The following MAPKAPK3 variants were observed in gnomAD, a reference collection of about 807,000 sequenced individuals.
MAPKAPK3 encodes the protein MAPK activated protein kinase 3, also known as MAP kinase-activated protein kinase 3.
A neutral mutation model predicts 49.2 loss-of-function variants in MAPKAPK3; 35 were observed. That is an observed-to-expected ratio of 0.71 (90% CI 0.54 to 0.94). MAPKAPK3 has a LOEUF of 0.94. Among genes scored for constraint, MAPKAPK3 ranks in the 40% least tolerant of loss-of-function variants. The pLI, the probability that MAPKAPK3 is intolerant of heterozygous loss-of-function variation, is 0.00. For synonymous variants in MAPKAPK3, 178 were observed against 188.7 expected (o/e 0.94, Z 0.46); for missense variants, 398 against 493.1 (o/e 0.81, Z 1.83).
At position 50,646,832 on chromosome 3, in the gene MAPKAPK3, C is replaced by A; in HGVS notation, c.915+7C>A. 1 of 1,613,538 alleles carries A rather than the reference C, an allele frequency of 6.2e-7. No homozygotes were observed. Among genetic ancestry groups the A allele is most frequent in the Middle Eastern group, 1.7e-4 (1 of 6,060 alleles). On this transcript the variant is annotated splice_region_variant and intron_variant, in intron 9 of 10. Transcript: ENST00000621469. ...GAACCACCCCTGGATCAACGTGAGC[C>A]CCTCCTCCTCCCATGGCAGGCAGGG...
intron 8 of MAPKAPK3, 55 bp downstream of exon 8, chr3:50,646,319 C>T: frequency 1.2e-6 from 2 of 1,608,174 alleles, no homozygotes; most frequent in Middle Eastern, 1.7e-4. Flanking sequence ...GGCTTTCATT[C>T]TGGGAAACAT....
intron 2 of MAPKAPK3, among the ~76,000 whole-genome samples, chr3:50,626,441 A>C (rs879175713): frequency 2.0e-5 from 3 of 152,188 alleles, no homozygotes; most frequent in Admixed American, 2.0e-4. Context: ...TGCCCTGCTA[A>C]GGCTCAGAGG....
chr3:50,644,573 T>A, intron 6 of MAPKAPK3, 41 bp downstream of exon 6: 9 of 1,610,184 alleles, frequency 5.6e-6, no homozygotes, highest in Non-Finnish European at 7.6e-6. Flanking sequence ...TCACCCCAAC[T>A]TATACAGCTG....
In MAPKAPK3 at chr3:50,617,597, G is replaced by C. The variant is rs777789251; in HGVS notation, c.32G>C (p.Gly11Ala). 6.3e-7 allele frequency: 1 copy of C among 1,594,288 alleles called. No individual in the cohort carries two copies. The highest frequency in any genetic ancestry group is 1.7e-5 in the Admixed American group (1 of 59,854). The stretch of plus-strand genomic sequence containing the variant: ...GGTGAAACAGCAGAGGAGCAGGGGG[G>C]CCCTGTGCCCCCGCCAGTTGCACCC... MDGETAEEQG[G>A]PVPPPVAPGG... The change falls in exon 2 of 11, where the codon GGC becomes GCC. Residue 11 changes from glycine (G) to alanine (A), a missense_variant. Coordinates refer to ENST00000621469, the MANE Select transcript of MAPKAPK3 (RefSeq NM_001243925.2).
intron 2 of MAPKAPK3, among the ~76,000 whole-genome samples, chr3:50,619,585 T>A (rs1030313892): frequency 1.3e-5 from 2 of 152,056 alleles, no homozygotes; most frequent in Non-Finnish European, 2.9e-5. Flanking sequence ...TGTGCTAGGA[T>A]TGAGGGCAGG....
intron 2 of MAPKAPK3, among the ~76,000 whole-genome samples, chr3:50,635,920 CAAAAAAAAAAAAAA>C (rs748358137): frequency 4.1e-5 from 3 of 73,516 alleles, no homozygotes; most frequent in Admixed American, 3.7e-4. Flanking sequence ...CCGTCTCTAC[CAAAAAAAAAAAAAA>C]AAAAAAAAAA....
At chr3:50,631,170 T>G (rs931150159) in intron 2 of MAPKAPK3, among the ~76,000 whole-genome samples, 2 of 152,254 alleles carry the variant, frequency 1.3e-5, no homozygotes, top group Non-Finnish European at 2.9e-5. Context: ...ATTGGTTCCA[T>G]TACCTCCTTT....
At chr3:50,616,992 G>C (rs1367690681), upstream of MAPKAPK3, 1 of 151,758 alleles carries the variant, frequency 6.6e-6, no homozygotes, top group Non-Finnish European at 1.5e-5. Context: ...TTTTGTTCCG[G>C]CTCGGGGGCG....
upstream of MAPKAPK3, among the ~76,000 whole-genome samples, chr3:50,615,147 C>G (rs2032430031): frequency 1.3e-5 from 2 of 152,206 alleles, no homozygotes; most frequent in African/African-American, 4.8e-5. Flanking sequence ...CTCAGGTTCA[C>G]CAGGCTCAAA....
At position 50,644,462 on chromosome 3, in the gene MAPKAPK3, C is replaced by G. The variant is rs750791906; in HGVS notation, c.558C>G (p.Thr186=). 3 of 1,614,152 alleles carry G rather than the reference C, an allele frequency of 1.9e-6. No homozygotes were observed. Among genetic ancestry groups the G allele is most frequent in the East Asian group, 2.2e-5 (1 of 44,878 alleles). ...SKEKDAVLKL[T]DFGFAKETTQ... is the part of the protein sequence containing the mutation. ...AGAAAGACGCAGTGCTTAAGCTCAC[C>G]GATTTTGGCTTTGCTAAGGAGACCA... Residue 186 remains threonine, a synonymous_variant, in exon 6 of 11, where the codon ACC becomes ACG. Transcript: ENST00000621469.
intron 2 of MAPKAPK3, among the ~76,000 whole-genome samples, chr3:50,623,414 G>A (rs894330982): frequency 2.0e-5 from 3 of 152,212 alleles, no homozygotes; most frequent in Non-Finnish European, 4.4e-5. Flanking sequence ...GGCTGGCCTT[G>A]CTTACTGTTT....
chr3:50,619,385 T>C (rs550266992), intron 2 of MAPKAPK3, among the ~76,000 whole-genome samples: 1 of 152,258 alleles, frequency 6.6e-6, no homozygotes, highest in Admixed American at 6.5e-5. Context: ...CTGGTGGGGC[T>C]GGGCCCCAGG....
chr3:50,643,822 A>T (rs1451369344), intron 5 of MAPKAPK3, among the ~76,000 whole-genome samples: 1 of 151,756 alleles, frequency 6.6e-6, no homozygotes, highest in African/African-American at 2.4e-5. Flanking sequence ...GCCCCTCTCC[A>T]TGGGCCTACA....
At chr3:50,630,727 G>A (rs2032882651) in intron 2 of MAPKAPK3, among the ~76,000 whole-genome samples, 1 of 152,224 alleles carries the variant, frequency 6.6e-6, no homozygotes, top group African/African-American at 2.4e-5. Context: ...AAGCCTTGAA[G>A]CTGCATGGAA....
upstream of MAPKAPK3, chr3:50,611,622 C>A: frequency 2.6e-6 from 4 of 1,518,130 alleles, no homozygotes; most frequent in Non-Finnish European, 3.5e-6. Context: ...GGCAGAGAGC[C>A]GCGCTTACCC....
At chr3:50,645,912 A>G (rs2107601856) in intron 7 of MAPKAPK3, 127 bp downstream of exon 7, 1 of 1,009,594 alleles carries the variant, frequency 9.9e-7, no homozygotes, top group East Asian at 2.4e-5. Context: ...CTCCTCATGC[A>G]GGCTGCCCTT....
chr3:50,648,540 G>C lies in MAPKAPK3; in HGVS notation c.*494G>C, dbSNP rs1287445257. On this transcript the variant is annotated 3_prime_UTR_variant, in exon 11 of 11. Coordinates refer to ENST00000621469, the MANE Select transcript of MAPKAPK3 (RefSeq NM_001243925.2). ...GAGTAAGGGAGGAGGGGCGATTGAG[G>C]GTTCACCTCTGCCTTGGGGAGGCTG... The C allele has an allele frequency of 6.4e-6, 1 of 155,160 alleles. No individual in the cohort carries two copies. The highest frequency in any genetic ancestry group is 1.4e-5 in the Non-Finnish European group (1 of 69,850). The allele number at this position is 155,160 out of a possible 1,614,324, so 9.6% of individuals were successfully genotyped here.
At chr3:50,642,834 T>C (rs1304213957) in intron 5 of MAPKAPK3, among the ~76,000 whole-genome samples, 1 of 151,962 alleles carries the variant, frequency 6.6e-6, no homozygotes. Flanking sequence ...ATGCTGTTGG[T>C]TTTTTTTGTT....
chr3:50,622,552 G>T (rs2032635457), intron 2 of MAPKAPK3, among the ~76,000 whole-genome samples: 1 of 152,208 alleles, frequency 6.6e-6, no homozygotes, highest in Admixed American at 6.5e-5. Flanking sequence ...AGAGATTCAT[G>T]AATGCTTATG....
Sources: gnomAD v4.1 joint callset for allele counts (sites outside exome capture counted in the v4.1 genomes callset) on GRCh38, gnomAD v4.1.1 for gene constraint, MANE v1.5 for transcripts, NCBI Gene and HGNC (gene_info 2026-07-23, HGNC 2026-07-21) for gene names.